Variants in SIRPA observed in about 807,000 individuals in gnomAD.
SIRPA encodes the protein tyrosine-protein phosphatase non-receptor type substrate 1.
In SIRPA, 9 loss-of-function variants were observed where a neutral mutation model predicts 50.3. The observed-to-expected ratio is 0.18, with a 90% CI of 0.11 to 0.31. The LOEUF (loss-of-function observed/expected upper bound fraction) is 0.31, where lower values mean the gene tolerates loss of function less well. SIRPA is among the 10% of genes least tolerant of loss of function. The pLI, the probability that SIRPA is intolerant of heterozygous loss-of-function variation, is 1.00. For synonymous variants in SIRPA, 265 were observed against 284.1 expected (o/e 0.93, Z 0.68); for missense variants, 474 against 661.6 (o/e 0.72, Z 3.11).
rs748066844 is a variant in SIRPA, at chr20:1,928,136, C to T, written c.1226+237C>T. ...TTTCTTGCCTGCTCTTCCCAGACAACGAGACCCTTGTCTAATCCCATGTGG... is the reference window on the plus strand; with the variant it reads ...TTTCTTGCCTGCTCTTCCCAGACAATGAGACCCTTGTCTAATCCCATGTGG... On this transcript the variant is annotated intron_variant, in intron 6 of 7. Transcript: ENST00000358771. The surrounding 1 kb of genome is among the most constrained non-coding windows in gnomAD (Gnocchi z 4.9). Among the ~76,000 whole-genome samples, 4 of 152,312 alleles carry T rather than the reference C, an allele frequency of 2.6e-5. No individual in the cohort carries two copies. Among genetic ancestry groups the T allele is most frequent in the Middle Eastern group, 3.4e-3 (1 of 294 alleles).
At chr20:1,899,982 G>A (rs1261620622) in intron 1 of SIRPA, among the ~76,000 whole-genome samples, 3 of 152,052 alleles carry the variant, frequency 2.0e-5, no homozygotes, top group Admixed American at 6.6e-5. Flanking sequence ...CAATTGGGAC[G>A]GATTTTCATA....
intron 1 of SIRPA, among the ~76,000 whole-genome samples, chr20:1,901,163 C>CTTT (rs869181595): frequency 4.9e-3 from 388 of 78,850 alleles, no homozygotes; most frequent in Non-Finnish European, 6.1e-3. Context: ...TTCTTTCTTT[C>CTTT]TTTTTTTTTT....
intron 1 of SIRPA, among the ~76,000 whole-genome samples, chr20:1,906,023 C>T (rs536715764): frequency 2.0e-5 from 3 of 152,334 alleles, no homozygotes; most frequent in African/African-American, 4.8e-5. Context: ...GGTCATCTGT[C>T]GCCCCCTTCA....
intron 6 of SIRPA, among the ~76,000 whole-genome samples, chr20:1,931,467 A>G (rs888150650): frequency 1.1e-4 from 16 of 152,134 alleles, no homozygotes; most frequent in African/African-American, 2.9e-4. Context: ...CAGAGAAACC[A>G]ACCGTTTTCT....
chr20:1,930,770 A>G (rs1411449057), intron 6 of SIRPA, among the ~76,000 whole-genome samples: 1 of 152,028 alleles, frequency 6.6e-6, no homozygotes, highest in East Asian at 1.9e-4. Context: ...TTGTATTTTT[A>G]GTAGAGATGG....
chr20:1,907,495 C>T (rs902523587), intron 1 of SIRPA, among the ~76,000 whole-genome samples: 25 of 152,330 alleles, frequency 1.6e-4, no homozygotes, highest in Non-Finnish European at 2.8e-4. Context: ...GTCACCTCTG[C>T]GTCTTTGCTC....
chr20:1,904,045 A>G (rs1984395847), intron 1 of SIRPA, among the ~76,000 whole-genome samples: 1 of 152,090 alleles, frequency 6.6e-6, no homozygotes. Flanking sequence ...GGGTACTAAA[A>G]TCCCCCTTTT....
rs2122186313 is a variant in SIRPA, at chr20:1,933,523, A to T, written c.1227-1192A>T. 6.6e-6 allele frequency among the ~76,000 whole-genome samples: 1 copy of T among 152,030 alleles called. No homozygotes were observed. ...TGAGCAGGGCGATGAGTTGGACTTG[A>T]ACCAGCCAGCCAGTGGGAAGCTCCA... On this transcript the variant is annotated intron_variant, in intron 6 of 7. Transcript: ENST00000358771. This position sits in a 1 kb window ranked among gnomAD's most constrained non-coding sequence, Gnocchi z 4.4.
At chr20:1,895,343 G>A (rs1456065104), upstream of SIRPA, 13 of 692,664 alleles carry the variant, frequency 1.9e-5, no homozygotes, top group Non-Finnish European at 2.7e-5. Context: ...GGCCCAGCCG[G>A]GAGGGGGGAA....
chr20:1,895,303 C>T (rs1983716541), upstream of SIRPA: 7 of 495,534 alleles, frequency 1.4e-5, no homozygotes, highest in South Asian at 1.8e-4. Context: ...GCGGCGGCCG[C>T]TCCAGGCGCC....
rs1008126643 is a variant in SIRPA, at chr20:1,924,118, T to C, written c.1088-646T>C. Among the ~76,000 whole-genome samples the C allele has an allele frequency of 5.3e-5, 8 of 152,254 alleles. No homozygotes were observed. Among genetic ancestry groups the C allele is most frequent in the South Asian group, 2.1e-4 (1 of 4,822 alleles). On this transcript the variant is annotated intron_variant, in intron 4 of 7. Coordinates refer to ENST00000358771, the MANE Select transcript of SIRPA (RefSeq NM_001040023.2). The surrounding 1 kb of genome is among the most constrained non-coding windows in gnomAD (Gnocchi z 4.5). ...TTTGGAGGGAGGCTTAACTGACTTGTCCAGGGTCACACAGCTACTTAGTAG... is the reference window on the plus strand; with the variant it reads ...TTTGGAGGGAGGCTTAACTGACTTGCCCAGGGTCACACAGCTACTTAGTAG...
intron 1 of SIRPA, among the ~76,000 whole-genome samples, chr20:1,902,087 T>C (rs1189827480): frequency 6.6e-6 from 1 of 152,220 alleles, no homozygotes; most frequent in Admixed American, 6.5e-5. Flanking sequence ...TTCAAACATA[T>C]GCAAAATGAG....
chr20:1,934,823 T>C lies in SIRPA; in HGVS notation c.1266+69T>C, dbSNP rs1600463127. 3.2e-6 allele frequency: 5 copies of C among 1,547,950 alleles called. No individual in the cohort carries two copies. The East Asian group carries it at 1.1e-4, about 35-fold the overall frequency. The stretch of plus-strand genomic sequence containing the variant: ...GTGGTTGCTTCACATCAACCGGAAT[T>C]GCAGATCTGGTTCTAAATTAAGACT... On this transcript the variant is annotated intron_variant, in intron 7 of 7. Coordinates refer to ENST00000358771, the MANE Select transcript of SIRPA (RefSeq NM_001040023.2). The surrounding 1 kb of genome is among the most constrained non-coding windows in gnomAD (Gnocchi z 4.6).
intron 1 of SIRPA, among the ~76,000 whole-genome samples, chr20:1,913,455 C>T (rs1429424171): frequency 6.6e-6 from 1 of 152,232 alleles, no homozygotes; most frequent in African/African-American, 2.4e-5. Flanking sequence ...TCTCTCTCCT[C>T]CCCAGCCAGA....
At chr20:1,935,910 CAG>C (rs1467590482) in intron 7 of SIRPA, among the ~76,000 whole-genome samples, 1 of 152,184 alleles carries the variant, frequency 6.6e-6, no homozygotes, top group Non-Finnish European at 1.5e-5. Flanking sequence ...GGGCTCAGGA[CAG>C]AGGAGCTGTG....
chr20:1,930,463 G>A (rs561999396), intron 6 of SIRPA, among the ~76,000 whole-genome samples: 5 of 152,352 alleles, frequency 3.3e-5, no homozygotes, highest in African/African-American at 9.6e-5. Flanking sequence ...ATGGATCAGT[G>A]CATACCATCC....
chr20:1,902,870 G>A (rs1235425641), intron 1 of SIRPA, among the ~76,000 whole-genome samples: 1 of 152,060 alleles, frequency 6.6e-6, no homozygotes. Flanking sequence ...AAATTAGCCG[G>A]GCATGGTGGC....
At chr20:1,930,628 T>C (rs748208700) in intron 6 of SIRPA, among the ~76,000 whole-genome samples, 15 of 152,202 alleles carry the variant, frequency 9.9e-5, no homozygotes, top group Non-Finnish European at 2.1e-4. Context: ...TTTGCTCTTG[T>C]TGCCCATGCT....
At chr20:1,918,398 G>GACATGGTT (rs1299360350) in intron 2 of SIRPA, among the ~76,000 whole-genome samples, 2 of 130,470 alleles carry the variant, frequency 1.5e-5, no homozygotes, top group East Asian at 4.4e-4. Flanking sequence ...TTTTAGTAGA[G>GACATGGTT]ACATGGTTTC....
Sources: allele counts gnomAD v4.1 joint callset (sites outside exome capture counted in the v4.1 genomes callset), GRCh38; gene constraint gnomAD v4.1.1; non-coding constraint Gnocchi (gnomAD v3.1); transcripts MANE v1.5; gene names NCBI Gene and HGNC (gene_info 2026-07-23, HGNC 2026-07-21).